RMDN2: variants seen among roughly 807,000 people sequenced by gnomAD.
RMDN2 encodes regulator of microtubule dynamics protein 2.
Under a neutral mutation model 52.8 loss-of-function variants are expected in RMDN2, and 61 were observed. That is an observed-to-expected ratio of 1.16 (90% CI 0.94 to 1.43). RMDN2 has a LOEUF of 1.43. RMDN2 is among the 40% of genes most tolerant of loss of function. The pLI is 0.00. For synonymous variants in RMDN2, 180 were observed against 153.1 expected (o/e 1.18, Z -1.30); for missense variants, 592 against 475.3 (o/e 1.25, Z -2.28).
intron 5 of RMDN2, among the ~76,000 whole-genome samples, chr2:37,986,355 T>C (rs558812841): frequency 1.1e-3 from 170 of 152,304 alleles, no homozygotes; most frequent in Non-Finnish European, 2.1e-3. Context: ...GACGGGGTCA[T>C]TGGTAAATTC....
In RMDN2 at chr2:37,951,375, A is replaced by G. The variant is rs373777349; in HGVS notation, c.452+21646A>G. On this transcript the variant is annotated intron_variant, in intron 2 of 10. Coordinates refer to ENST00000354545, the MANE Select transcript of RMDN2 (RefSeq NM_001170791.3). Reference sequence around the variant, plus strand: ...AACATCTTATTCCCCTGTAACACATAAAGTCAATGCAGCCAAAGCAAGTAG... The same window carrying G: ...AACATCTTATTCCCCTGTAACACATGAAGTCAATGCAGCCAAAGCAAGTAG... 18 of 1,613,246 alleles carry G rather than the reference A, an allele frequency of 1.1e-5. 1 individual carries two copies. The African/African-American group carries it at 1.9e-4, about 17-fold the overall frequency.
At chr2:38,010,705 T>C (rs1184995775) in intron 10 of RMDN2, among the ~76,000 whole-genome samples, 1 of 152,210 alleles carries the variant, frequency 6.6e-6, no homozygotes, top group Non-Finnish European at 1.5e-5. Context: ...CTCGGTGCAC[T>C]GCAGCCACTG....
chr2:37,978,743 A>G (rs1672898666), intron 4 of RMDN2, among the ~76,000 whole-genome samples: 1 of 151,902 alleles, frequency 6.6e-6, no homozygotes, highest in Non-Finnish European at 1.5e-5. Flanking sequence ...TCACCACTGC[A>G]CTGCAGAGTG....
chr2:38,016,024 A>C (rs900481953), intron 10 of RMDN2, among the ~76,000 whole-genome samples: 5 of 152,218 alleles, frequency 3.3e-5, no homozygotes, highest in African/African-American at 1.2e-4. Context: ...CCAATATATT[A>C]AGTGCTTGAA....
chr2:37,928,199 TC>T (rs769893334), intron 1 of RMDN2, among the ~76,000 whole-genome samples: 1 of 152,226 alleles, frequency 6.6e-6, no homozygotes, highest in Non-Finnish European at 1.5e-5. Flanking sequence ...CTTTCTGTGT[TC>T]CAGGCATATA....
In RMDN2 at chr2:37,951,515, T is replaced by C. The variant is rs949329094; in HGVS notation, c.452+21786T>C. Reference sequence around the variant, plus strand: ...GGCAACAAAGTAGAGCTAACTTTGATTCTGAAGAAGACACAGGCTTCACTG... The same window carrying C: ...GGCAACAAAGTAGAGCTAACTTTGACTCTGAAGAAGACACAGGCTTCACTG... On this transcript the variant is annotated intron_variant, in intron 2 of 10. Coordinates refer to ENST00000354545, the MANE Select transcript of RMDN2 (RefSeq NM_001170791.3). The C allele has an allele frequency of 2.5e-6, 4 of 1,612,118 alleles. No homozygotes were observed. In the African/African-American group the frequency reaches 5.3e-5, roughly 22 times the overall value.
chr2:37,978,930 G>A (rs1470194261), intron 4 of RMDN2, among the ~76,000 whole-genome samples: 2 of 152,134 alleles, frequency 1.3e-5, no homozygotes, highest in Non-Finnish European at 2.9e-5. Context: ...AGGTAAAATC[G>A]CTCTGGATCT....
At chr2:38,055,376 C>A (rs1340750647) in intron 10 of RMDN2, among the ~76,000 whole-genome samples, 1 of 152,122 alleles carries the variant, frequency 6.6e-6, no homozygotes, top group Non-Finnish European at 1.5e-5. Context: ...CCCAACCTCA[C>A]CCTCACCCTA....
At chr2:38,031,812 G>A (rs1680228084) in intron 10 of RMDN2, among the ~76,000 whole-genome samples, 1 of 152,146 alleles carries the variant, frequency 6.6e-6, no homozygotes, top group South Asian at 2.1e-4. Flanking sequence ...CCTTCCTCGG[G>A]ATGCCTGGAG....
intron 10 of RMDN2, among the ~76,000 whole-genome samples, chr2:38,013,483 G>A (rs1228178584): frequency 2.6e-5 from 4 of 152,316 alleles, no homozygotes; most frequent in African/African-American, 9.6e-5. Flanking sequence ...TTAAGAGCAC[G>A]TTATATTTAG....
chr2:38,043,733 C>G (rs1279467911), intron 10 of RMDN2, among the ~76,000 whole-genome samples: 1 of 152,060 alleles, frequency 6.6e-6, no homozygotes. Context: ...TCAAGTAACA[C>G]TGTATCATTT....
At chr2:38,058,375 T>C (rs1358587157) in intron 10 of RMDN2, among the ~76,000 whole-genome samples, 3 of 152,250 alleles carry the variant, frequency 2.0e-5, no homozygotes, top group Non-Finnish European at 4.4e-5. Context: ...AGAAGCAGCA[T>C]GAGGGGAAGA....
At chr2:38,031,801 G>A (rs768445575) in intron 10 of RMDN2, among the ~76,000 whole-genome samples, 3 of 152,076 alleles carry the variant, frequency 2.0e-5, no homozygotes, top group Non-Finnish European at 2.9e-5. Flanking sequence ...CTGAGCAGAC[G>A]CCTTCCTCGG....
At chr2:37,956,553 CTTA>C (rs1190453763) in intron 2 of RMDN2, among the ~76,000 whole-genome samples, 1 of 150,642 alleles carries the variant, frequency 6.6e-6, no homozygotes, top group African/African-American at 2.4e-5. Flanking sequence ...TTTAATCTCT[CTTA>C]TTCCTCTCTT....
At chr2:38,056,129 G>A (rs191188843) in intron 10 of RMDN2, among the ~76,000 whole-genome samples, 5 of 152,222 alleles carry the variant, frequency 3.3e-5, no homozygotes, top group East Asian at 3.9e-4. Context: ...CACATAGGAC[G>A]GGGCAGCACT....
At chr2:37,961,316 C>G (rs1395555179) in intron 2 of RMDN2, among the ~76,000 whole-genome samples, 1 of 152,102 alleles carries the variant, frequency 6.6e-6, no homozygotes, top group Non-Finnish European at 1.5e-5. Flanking sequence ...CTATCACTTT[C>G]AGGTACACCA....
intron 7 of RMDN2, among the ~76,000 whole-genome samples, chr2:37,997,005 C>A (rs1261477064): frequency 6.6e-6 from 1 of 152,040 alleles, no homozygotes; most frequent in Admixed American, 6.6e-5. Flanking sequence ...AGAGCAAAGG[C>A]GGAGTCTTGT....
intron 10 of RMDN2, among the ~76,000 whole-genome samples, chr2:38,010,602 C>G (rs558759722): frequency 1.3e-5 from 2 of 152,264 alleles, no homozygotes; most frequent in Admixed American, 6.5e-5. Flanking sequence ...TTCCAGGTGC[C>G]GTTTGTCACC....
chr2:37,945,613 GAAA>G (rs1156342383), intron 2 of RMDN2, among the ~76,000 whole-genome samples: 3 of 152,110 alleles, frequency 2.0e-5, no homozygotes, highest in Non-Finnish European at 4.4e-5. Flanking sequence ...ATAAGGGAAA[GAAA>G]AAGACCCCAG....
Sources: gnomAD v4.1 joint callset for allele counts (sites outside exome capture counted in the v4.1 genomes callset) on GRCh38, gnomAD v4.1.1 for gene constraint, MANE v1.5 for transcripts, NCBI Gene and HGNC (gene_info 2026-07-23, HGNC 2026-07-21) for gene names.